RNF123: variants seen among roughly 807,000 people sequenced by gnomAD.
The protein encoded by RNF123 is E3 ubiquitin-protein ligase RNF123.
Under a neutral mutation model 168.5 loss-of-function variants are expected in RNF123, and 86 were observed. The ratio of observed to expected loss-of-function variants is 0.51; its 90% CI spans 0.43 to 0.61. The LOEUF (loss-of-function observed/expected upper bound fraction) is 0.61. Among genes scored for constraint, RNF123 ranks in the 20% least tolerant of loss-of-function variants. The pLI is 0.00. For missense variants in RNF123, 1,419 were observed against 1,729.7 expected (o/e 0.82, Z 3.19); for synonymous variants, 666 against 689.1 (o/e 0.97, Z 0.52).
At position 49,719,964 on chromosome 3, in the gene RNF123, ATAT is replaced by A. The variant is rs555370814; in HGVS notation, c.3501-543_3501-541del. On this transcript the variant is annotated intron_variant, in intron 35 of 38. Transcript: ENST00000327697. The stretch of plus-strand genomic sequence containing the variant: ...TTGAAGTGACTTTGAAGGACTGATA[ATAT>A]TATGGGGCAGGCAGACTCTCACTAT... 5.2e-4 allele frequency: 86 copies of A among 164,742 alleles called. 1 individual carries two copies. Among genetic ancestry groups the A allele is most frequent in the Non-Finnish European group, 8.6e-4 (64 of 74,790 alleles). 10.2% of individuals were successfully genotyped at this position (164,742 alleles called of 1,614,324 possible).
At chr3:49,712,959 C>G (rs1575536790) in intron 27 of RNF123, 2 of 702,572 alleles carry the variant, frequency 2.8e-6, no homozygotes. Context: ...GGTCCAGGAG[C>G]CAGCTGGCCT....
Position 49,704,981 on chromosome 3 carries a change from C to T in RNF123, c.1960-3C>T. Reference sequence around the variant, plus strand: ...TGGTCCTGGCCGCCTTTCTTCACTGCAGCGCCCCATGCAGGCCCTGGCTGT... The same window carrying T: ...TGGTCCTGGCCGCCTTTCTTCACTGTAGCGCCCCATGCAGGCCCTGGCTGT... On this transcript the variant is annotated splice_polypyrimidine_tract_variant and splice_region_variant and intron_variant, in intron 22 of 38. Coordinates refer to ENST00000327697, the MANE Select transcript of RNF123 (RefSeq NM_022064.5). 6.2e-7 allele frequency: 1 copy of T among 1,600,558 alleles called. No homozygotes were observed. Among genetic ancestry groups the T allele is most frequent in the South Asian group, 1.1e-5 (1 of 89,126 alleles).
rs1368176996 is a variant in RNF123, at chr3:49,700,557, G to T, written c.1196G>T (p.Gly399Val). 1 of 1,614,068 alleles carries T rather than the reference G, an allele frequency of 6.2e-7. No homozygotes were observed. The highest frequency in any genetic ancestry group is 2.2e-5 in the East Asian group (1 of 44,894). Reference sequence around the variant, plus strand: ...TTCTCACCCATTGTCCCAGACCTGGGCCTACAGGTGGGAGCCCCTACCCCT... The same window carrying T: ...TTCTCACCCATTGTCCCAGACCTGGTCCTACAGGTGGGAGCCCCTACCCCT... ...YRFSPIVPDL[G>V]LQIHYLRLTI... Residue 399 changes from glycine (G) to valine (V), a missense_variant, in exon 14 of 39, where the codon GGC becomes GTC. Transcript: ENST00000327697.
chr3:49,715,664 C>G lies in RNF123; in HGVS notation c.3100C>G (p.Leu1034Val), dbSNP rs760154996. ...GGCACCCAGCTTCCTCAACAGCGTC[C>G]TCAATCAGCTCAACTGGGCCTTCTC... The part of the protein sequence containing the change: ...DVAPSFLNSV[L>V]NQLNWAFSEF... Residue 1034 changes from leucine (L) to valine (V), a missense_variant, in exon 32 of 39, where the codon CTC (leucine) becomes GTC (valine). Leu to Val is a conservative substitution (Grantham distance 32). Coordinates refer to ENST00000327697, the MANE Select transcript of RNF123 (RefSeq NM_022064.5). The G allele has an allele frequency of 1.2e-6, 2 of 1,614,232 alleles. No homozygotes were observed. The highest frequency in any genetic ancestry group is 3.3e-5 in the Admixed American group (2 of 60,028).
At chr3:49,720,971 C>T in intron 37 of RNF123, 49 bp from the exon 38 acceptor site, 1 of 1,607,284 alleles carries the variant, frequency 6.2e-7, no homozygotes. Context: ...CGGACATCCA[C>T]ATAGCCAGGC....
In RNF123 at chr3:49,705,061, C is replaced by A. The variant is rs369643825; in HGVS notation, c.2037C>A (p.Gly679=). The part of the protein sequence containing the change: ...RPGWLSSPTL[G]RANRFLSTAA... ...GCTGGCTCAGTTCTCCAACTTTGGG[C>A]CGAGCCAACCGCTTCCTCAGCACAG... The change falls in exon 23 of 39, where the codon GGC becomes GGA. Residue 679 remains glycine, a synonymous_variant. Transcript: ENST00000327697. 5.6e-6 allele frequency: 9 copies of A among 1,611,470 alleles called. No homozygotes were observed. Among genetic ancestry groups the A allele is most frequent in the Non-Finnish European group, 7.6e-6 (9 of 1,179,144 alleles).
chr3:49,721,437 C>T lies in RNF123; in HGVS notation c.*132C>T. Reference sequence around the variant, plus strand: ...ATCCAACCTCCTTGCCTGCCTGTATCCTCATTGGTGGGAGCCCAGCCATGG... The same window carrying T: ...ATCCAACCTCCTTGCCTGCCTGTATTCTCATTGGTGGGAGCCCAGCCATGG... On this transcript the variant is annotated 3_prime_UTR_variant, in exon 39 of 39. Coordinates refer to ENST00000327697, the MANE Select transcript of RNF123 (RefSeq NM_022064.5). The T allele has an allele frequency of 1.6e-6, 2 of 1,259,904 alleles. No homozygotes were observed. The highest frequency in any genetic ancestry group is 2.3e-6 in the Non-Finnish European group (2 of 860,170). 78.0% of individuals were successfully genotyped at this position (1,259,904 alleles called of 1,614,324 possible).
At chr3:49,696,985 C>T (rs1371295707) in intron 3 of RNF123, 158 bp from the exon 4 acceptor site, 1 of 695,842 alleles carries the variant, frequency 1.4e-6, no homozygotes, top group African/African-American at 1.8e-5. Context: ...AGAATTCGGC[C>T]TTCTGACCTC....
chr3:49,692,849 C>T (rs2054195567), intron 3 of RNF123, among the ~76,000 whole-genome samples: 1 of 152,084 alleles, frequency 6.6e-6, no homozygotes, highest in African/African-American at 2.4e-5. Context: ...TGTATATGTA[C>T]CATGTTTTCT....
In RNF123 at chr3:49,703,498, C is replaced by G. The variant is rs202035016; in HGVS notation, c.1822C>G (p.Leu608Val). The stretch of plus-strand genomic sequence containing the variant: ...CTTTGACCTGCAGCGCCTGGGGGGC[C>G]TCCTCTCGCACCTGCGGAAGACCCT... Reference protein sequence around the residue: ...DYFDLQRLGGLLSHLRKTLKD... With the variant: ...DYFDLQRLGGVLSHLRKTLKD... The change falls in exon 21 of 39, where the codon CTC becomes GTC. Residue 608 changes from leucine (L) to valine (V), a missense_variant. This residue lies in a region of RNF123 where 349 missense variants were observed against 344.9 expected (regional missense o/e 1.01). Coordinates refer to ENST00000327697, the MANE Select transcript of RNF123 (RefSeq NM_022064.5). The G allele has an allele frequency of 1.2e-6, 2 of 1,614,146 alleles. No individual in the cohort carries two copies. The highest frequency in any genetic ancestry group is 2.7e-5 in the African/African-American group (2 of 75,070).
intron 27 of RNF123, chr3:49,712,879 C>T (rs1260186056): frequency 7.1e-6 from 5 of 705,550 alleles, no homozygotes; most frequent in Non-Finnish European, 1.3e-5. Context: ...GGAAAACAGA[C>T]AAGATGGAAC....
chr3:49,720,596 C>A lies in RNF123; in HGVS notation c.3586C>A (p.Pro1196Thr). The part of the protein sequence containing the change: ...ICYLLGQPEP[P>T]APGTALPAPD... ...CTATCTCCTGGGACAGCCAGAGCCC[C>A]CAGCACCTGGCACTGCTCTGCCAGC... The change falls in exon 36 of 39, where the codon CCA (proline) becomes ACA (threonine). Residue 1196 changes from proline to threonine, a missense_variant. Transcript: ENST00000327697. 6.2e-7 allele frequency: 1 copy of A among 1,611,418 alleles called. No homozygotes were observed. The highest frequency in any genetic ancestry group is 8.5e-7 in the Non-Finnish European group (1 of 1,178,322).
chr3:49,705,848 T>C lies in RNF123; in HGVS notation c.2305-134T>C, dbSNP rs1463970031. ...CTCCTGCTGCCTCAGTCTGACCTGC[T>C]GACTGTTGTGGGAATGGGACCGCCC... On this transcript the variant is annotated intron_variant, in intron 24 of 38. Coordinates refer to ENST00000327697, the MANE Select transcript of RNF123 (RefSeq NM_022064.5). 6 of 1,419,494 alleles carry C rather than the reference T, an allele frequency of 4.2e-6. No homozygotes were observed. In the East Asian group the frequency reaches 1.4e-4, roughly 33 times the overall value. 87.9% of individuals were successfully genotyped at this position (1,419,494 alleles called of 1,614,324 possible). A position where few individuals can be genotyped will look rare whatever the true frequency, so the allele number is the denominator to read the frequency against.
chr3:49,707,611 C>G (rs1194699755), intron 26 of RNF123, among the ~76,000 whole-genome samples: 1 of 152,184 alleles, frequency 6.6e-6, no homozygotes, highest in Non-Finnish European at 1.5e-5. Context: ...GTGCCCAGGT[C>G]AGGGTATCTG....
chr3:49,702,739 C>A lies in RNF123; in HGVS notation c.1736C>A (p.Ala579Asp), dbSNP rs891748485. The A allele has an allele frequency of 1.2e-6, 2 of 1,614,062 alleles. No homozygotes were observed. The highest frequency in any genetic ancestry group is 1.7e-6 in the Non-Finnish European group (2 of 1,179,998). Residue 579 changes from alanine (A) to aspartate (D), a missense_variant, in exon 20 of 39, where the codon GCT becomes GAT. Coordinates refer to ENST00000327697, the MANE Select transcript of RNF123 (RefSeq NM_022064.5). ...WDEYKASNPH[A>D]SFSEEAYIPP... is the part of the protein sequence containing the mutation. Reference sequence around the variant, plus strand: ...GAATACAAGGCTTCCAATCCTCATGCTTCCTTCAGTGAGGGTGAGTGGCAC... The same window carrying A: ...GAATACAAGGCTTCCAATCCTCATGATTCCTTCAGTGAGGGTGAGTGGCAC...
chr3:49,720,405 G>C (rs1030129981), intron 35 of RNF123, 106 bp from the exon 36 acceptor site: 1 of 1,159,074 alleles, frequency 8.6e-7, no homozygotes, highest in African/African-American at 1.5e-5. Context: ...AGGATGCAGG[G>C]GGGGTGATCA....
At chr3:49,718,207 GGCCAGC>G in intron 35 of RNF123, 1 of 1,610,838 alleles carries the variant, frequency 6.2e-7, no homozygotes, top group Non-Finnish European at 8.5e-7. Flanking sequence ...GGGTGTTTGG[GGCCAGC>G]GGCGGCAGCG....
chr3:49,693,464 C>G (rs2054209502), intron 3 of RNF123, among the ~76,000 whole-genome samples: 1 of 139,582 alleles, frequency 7.2e-6, no homozygotes, highest in African/African-American at 2.7e-5. Flanking sequence ...TCTAGTAATT[C>G]TCCTGCCTCA....
chr3:49,712,341 C>T, intron 26 of RNF123, 138 bp from the exon 27 acceptor site: 1 of 761,210 alleles, frequency 1.3e-6, no homozygotes, highest in East Asian at 2.7e-5. Context: ...GCTTGAGCTA[C>T]TGCTCATGCT....
Sources: allele counts gnomAD v4.1 joint callset (sites outside exome capture counted in the v4.1 genomes callset), GRCh38; gene constraint gnomAD v4.1.1; regional missense constraint gnomAD v4.1.1; transcripts MANE v1.5; gene names NCBI Gene and HGNC (gene_info 2026-07-23, HGNC 2026-07-21).